The following BICD1 variants were observed in gnomAD, a reference collection of about 807,000 sequenced individuals.
BICD1 encodes protein bicaudal D homolog 1.
In BICD1, 35 loss-of-function variants were observed where a neutral mutation model predicts 92.5. That is an observed-to-expected ratio of 0.38 (90% confidence interval 0.29 to 0.50). The LOEUF (loss-of-function observed/expected upper bound fraction) is 0.50. BICD1 is among the 20% of genes least tolerant of loss of function. The pLI, the probability that BICD1 is intolerant of heterozygous loss-of-function variation, is 0.93. For missense variants in BICD1, 950 were observed against 1,189.8 expected, an observed-to-expected ratio of 0.80 and a Z score of 2.97; for synonymous variants, 429 against 465.1, an observed-to-expected ratio of 0.92 and a Z score of 1.00.
rs540618187 is a variant in BICD1, at chr12:32,165,926, A to G, written c.214-50321A>G. 3.9e-5 allele frequency among the ~76,000 whole-genome samples: 6 copies of G among 152,112 alleles called. 1 individual carries two copies. The highest frequency in any genetic ancestry group is 1.4e-4 in the African/African-American group (6 of 41,506). ...TAAAGGGGCTCATTCTAAGTGGAAA[A>G]TTATTGTTACTCTTTCTTGAGTTGT... On this transcript the variant is annotated intron_variant, in intron 1 of 9. Coordinates refer to ENST00000652176, the MANE Select transcript of BICD1 (RefSeq NM_001714.4).
At chr12:32,360,352 A>C (rs1939278860) in intron 8 of BICD1, among the ~76,000 whole-genome samples, 1 of 152,232 alleles carries the variant, frequency 6.6e-6, no homozygotes, top group Admixed American at 6.5e-5. Context: ...TAAGAGGATT[A>C]ATACCTATAT....
chr12:32,252,577 T>C (rs555041170), intron 2 of BICD1, among the ~76,000 whole-genome samples: 2 of 152,290 alleles, frequency 1.3e-5, no homozygotes, highest in Non-Finnish European at 2.9e-5. Context: ...GGCGTTTCTT[T>C]CATAAGAGGA....
At chr12:32,171,504 C>A (rs1441909370) in intron 1 of BICD1, among the ~76,000 whole-genome samples, 3 of 152,180 alleles carry the variant, frequency 2.0e-5, no homozygotes, top group Non-Finnish European at 4.4e-5. Flanking sequence ...GCCTTCAGGG[C>A]GTTCTTCTTC....
intron 1 of BICD1, among the ~76,000 whole-genome samples, chr12:32,121,449 T>C (rs1404493815): frequency 6.6e-6 from 1 of 151,676 alleles, no homozygotes; most frequent in Non-Finnish European, 1.5e-5. Context: ...AAAAATTAGC[T>C]GGATGTGATC....
intron 1 of BICD1, chr12:32,108,604 TATA>T (rs767314763): frequency 2.3e-4 from 159 of 677,928 alleles, no homozygotes; most frequent in South Asian, 2.0e-3. Context: ...TTGTTTGGCA[TATA>T]ATATCAAAAA....
chr12:32,344,672 C>T (rs1938503826), intron 8 of BICD1, among the ~76,000 whole-genome samples: 1 of 152,198 alleles, frequency 6.6e-6, no homozygotes, highest in South Asian at 2.1e-4. Context: ...ACGACCTGCT[C>T]TTACTGCTTT....
intron 8 of BICD1, among the ~76,000 whole-genome samples, chr12:32,345,509 T>C (rs1010952274): frequency 2.0e-5 from 3 of 152,260 alleles, no homozygotes; most frequent in Admixed American, 6.5e-5. Flanking sequence ...TATAAATATA[T>C]ACATATATAA....
intron 2 of BICD1, among the ~76,000 whole-genome samples, chr12:32,252,604 T>C (rs1946597377): frequency 6.6e-6 from 1 of 152,158 alleles, no homozygotes; most frequent in African/African-American, 2.4e-5. Flanking sequence ...GCTAGTCTTA[T>C]AAGGGTAAGC....
chr12:32,125,806 C>T (rs1942305652), intron 1 of BICD1, among the ~76,000 whole-genome samples: 2 of 151,754 alleles, frequency 1.3e-5, no homozygotes, highest in African/African-American at 2.4e-5. Context: ...CTTTGGGAAG[C>T]CAAGGCAGGT....
intron 1 of BICD1, among the ~76,000 whole-genome samples, chr12:32,111,545 A>C (rs7970965): frequency 6.6e-6 from 1 of 152,032 alleles, no homozygotes; most frequent in African/African-American, 2.4e-5. Context: ...AGAGACAGTT[A>C]ATACTTAATT....
chr12:32,177,491 A>G (rs1944128920), intron 1 of BICD1, among the ~76,000 whole-genome samples: 1 of 150,590 alleles, frequency 6.6e-6, no homozygotes, highest in Non-Finnish European at 1.5e-5. Context: ...TGTATATAGT[A>G]TAATCCAAAT....
At chr12:32,181,185 C>T (rs751549238) in intron 1 of BICD1, among the ~76,000 whole-genome samples, 1 of 151,624 alleles carries the variant, frequency 6.6e-6, no homozygotes, top group Non-Finnish European at 1.5e-5. Context: ...TTTGGGAGGC[C>T]GAGGGGGGTG....
In BICD1 at chr12:32,337,406, TAAATTTCG is replaced by T. The variant is rs1431835621; in HGVS notation, c.2253-92_2253-85del. 17 of 1,239,134 alleles carry T rather than the reference TAAATTTCG, an allele frequency of 1.4e-5. No individual in the cohort carries two copies. In the South Asian group the frequency reaches 2.4e-4, roughly 17 times the overall value. The allele number at this position is 1,239,134 out of a possible 1,614,324, so 76.8% of individuals were successfully genotyped here. Reference sequence around the variant, plus strand: ...CCTTTAAACCAGTCTTCTAAATTTCTAAATTTCGGTCAAATTTATTACTTTTCAGCTTA... The same window carrying T: ...CCTTTAAACCAGTCTTCTAAATTTCTGTCAAATTTATTACTTTTCAGCTTA... On this transcript the variant is annotated intron_variant, in intron 6 of 9. Coordinates refer to ENST00000652176, the MANE Select transcript of BICD1 (RefSeq NM_001714.4). This position sits in a 1 kb window ranked among gnomAD's most constrained non-coding sequence, Gnocchi z 4.7.
At chr12:32,134,693 A>G (rs1454437073) in intron 1 of BICD1, among the ~76,000 whole-genome samples, 2 of 152,186 alleles carry the variant, frequency 1.3e-5, no homozygotes, top group Admixed American at 6.5e-5. Flanking sequence ...GAATTAGAAT[A>G]AAGTCTTGAT....
intron 3 of BICD1, among the ~76,000 whole-genome samples, chr12:32,296,246 GTTTTTTTTTGT>G (rs1947865518): frequency 9.2e-6 from 1 of 108,608 alleles, no homozygotes; most frequent in African/African-American, 3.5e-5. Context: ...ATAAGAAGGG[GTTTTTTTTTGT>G]TTTTTTTTTT....
chr12:32,239,146 CT>C (rs767295767), intron 2 of BICD1, among the ~76,000 whole-genome samples: 79 of 149,316 alleles, frequency 5.3e-4, no homozygotes, highest in Admixed American at 1.1e-3. Flanking sequence ...ACTTGGGAGG[CT>C]GAGGCAGGAG....
At chr12:32,180,970 G>GTA (rs1273798256) in intron 1 of BICD1, among the ~76,000 whole-genome samples, 2 of 151,662 alleles carry the variant, frequency 1.3e-5, no homozygotes, top group African/African-American at 4.8e-5. Flanking sequence ...TATCTTTAGA[G>GTA]GAGTTTTAGG....
chr12:32,335,530 C>T (rs1938075700), intron 6 of BICD1, among the ~76,000 whole-genome samples: 1 of 150,652 alleles, frequency 6.6e-6, no homozygotes, highest in African/African-American at 2.4e-5. Context: ...TTTCAATATA[C>T]TGTTGAAATA....
intron 4 of BICD1, among the ~76,000 whole-genome samples, chr12:32,314,160 G>A (rs1223918614): frequency 1.3e-5 from 2 of 152,136 alleles, no homozygotes; most frequent in Non-Finnish European, 2.9e-5. Context: ...CACATTTCAT[G>A]TAACCATTCA....
Sources: gnomAD v4.1 joint callset for allele counts (sites outside exome capture counted in the v4.1 genomes callset) on GRCh38, gnomAD v4.1.1 for gene constraint, Gnocchi (gnomAD v3.1) non-coding constraint, MANE v1.5 for transcripts, NCBI Gene and HGNC (gene_info 2026-07-23, HGNC 2026-07-21) for gene names.